Variants in CDH7 observed in about 807,000 individuals in gnomAD.
CDH7 encodes the protein cadherin-7.
In CDH7, 25 loss-of-function variants were observed where a neutral mutation model predicts 71.8. The ratio of observed to expected loss-of-function variants is 0.35; its 90% confidence interval spans 0.25 to 0.49. CDH7 has a LOEUF of 0.49. CDH7 is among the 20% of genes least tolerant of loss of function. The probability of loss-of-function intolerance (pLI) is 0.99; values close to 1 mark genes in which losing one functional copy is unlikely to be tolerated. For synonymous variants in CDH7, 381 were observed against 363.8 expected (o/e 1.05, Z -0.54); for missense variants, 862 against 974.6 (o/e 0.88, Z 1.54).
intron 2 of CDH7, among the ~76,000 whole-genome samples, chr18:65,787,098 C>A (rs1439190737): frequency 6.6e-6 from 1 of 152,112 alleles, no homozygotes. Flanking sequence ...TTATCATTAG[C>A]AGCATTTGTT....
intron 2 of CDH7, among the ~76,000 whole-genome samples, chr18:65,768,480 C>T (rs180980822): frequency 1.3e-5 from 2 of 152,258 alleles, no homozygotes; most frequent in Admixed American, 6.5e-5. Context: ...ACGTGATCTG[C>T]CCGCCTCGGC....
chr18:65,877,180 C>A (rs1310133408), intron 11 of CDH7, among the ~76,000 whole-genome samples: 1 of 151,954 alleles, frequency 6.6e-6, no homozygotes, highest in East Asian at 1.9e-4. Flanking sequence ...ATTATCTAAC[C>A]TTCCAAAATA....
intron 11 of CDH7, among the ~76,000 whole-genome samples, chr18:65,874,677 A>T (rs1376309171): frequency 1.3e-5 from 2 of 151,940 alleles, no homozygotes; most frequent in Non-Finnish European, 2.9e-5. Flanking sequence ...ATAAAAATTT[A>T]AAAAATTCAA....
intron 2 of CDH7, among the ~76,000 whole-genome samples, chr18:65,788,925 G>C (rs1349794683): frequency 6.6e-6 from 1 of 152,100 alleles, no homozygotes; most frequent in African/African-American, 2.4e-5. Flanking sequence ...TAAAAAACAA[G>C]AAGAAATACG....
chr18:65,786,673 T>C (rs1265929386), intron 2 of CDH7, among the ~76,000 whole-genome samples: 1 of 152,018 alleles, frequency 6.6e-6, no homozygotes, highest in Non-Finnish European at 1.5e-5. Flanking sequence ...TGCTTCTTTT[T>C]CTCTCTCTCT....
Position 65,885,372 on chromosome 18 carries a change from G to GTTTTTGTTTTTTT in CDH7, c.*4483_*4484insGTTTTTTTTTTTT, listed in dbSNP as rs1914342403. 1 of 69,436 alleles carries GTTTTTGTTTTTTT rather than the reference G, an allele frequency of 1.4e-5. No individual in the cohort carries two copies. Among genetic ancestry groups the GTTTTTGTTTTTTT allele is most frequent in the African/African-American group, 5.2e-5 (1 of 19,180 alleles). 4.3% of individuals were successfully genotyped at this position (69,436 alleles called of 1,614,324 possible). ...GTAACTGAAAAGGATGTGTGCCTGT[G>GTTTTTGTTTTTTT]TTTTTTTTTTTTTTTTTTTTTTTGA... On this transcript the variant is annotated 3_prime_UTR_variant, in exon 12 of 12. Transcript: ENST00000397968.
intron 2 of CDH7, among the ~76,000 whole-genome samples, chr18:65,787,367 G>T (rs923624166): frequency 6.6e-6 from 1 of 152,150 alleles, no homozygotes; most frequent in African/African-American, 2.4e-5. Flanking sequence ...GCTCCTGCTA[G>T]TGGAAATGAT....
chr18:65,806,736 T>G (rs763889692), intron 2 of CDH7, among the ~76,000 whole-genome samples: 13 of 152,126 alleles, frequency 8.5e-5, no homozygotes, highest in Non-Finnish European at 1.5e-4. Context: ...GATTTGCTAT[T>G]TCTACACTTG....
At chr18:65,816,496 T>G (rs964192880) in intron 4 of CDH7, among the ~76,000 whole-genome samples, 17 of 152,188 alleles carry the variant, frequency 1.1e-4, no homozygotes, top group Non-Finnish European at 1.6e-4. Flanking sequence ...AAGGGTTTTT[T>G]GGGAAGAAAG....
intron 2 of CDH7, among the ~76,000 whole-genome samples, chr18:65,770,348 A>T (rs1192001544): frequency 6.6e-6 from 1 of 152,190 alleles, no homozygotes; most frequent in Non-Finnish European, 1.5e-5. Flanking sequence ...TTGCATTGTG[A>T]GGTTGGGCCC....
chr18:65,878,575 G>A (rs936667731), intron 11 of CDH7, among the ~76,000 whole-genome samples: 1 of 152,116 alleles, frequency 6.6e-6, no homozygotes, highest in Non-Finnish European at 1.5e-5. Flanking sequence ...TAACAGGGAA[G>A]GAAGGTGAAT....
chr18:65,754,803 A>C (rs1297654074), intron 1 of CDH7, among the ~76,000 whole-genome samples: 2 of 152,168 alleles, frequency 1.3e-5, no homozygotes, highest in African/African-American at 2.4e-5. Context: ...TACAATGTTC[A>C]CTGGGCTGTT....
chr18:65,770,204 T>A (rs1411230435), intron 2 of CDH7, among the ~76,000 whole-genome samples: 1 of 152,176 alleles, frequency 6.6e-6, no homozygotes, highest in Non-Finnish European at 1.5e-5. Flanking sequence ...GGGCAATTGA[T>A]TTTGCTTATT....
intron 2 of CDH7, among the ~76,000 whole-genome samples, chr18:65,768,166 T>A (rs2143800598): frequency 6.6e-6 from 1 of 152,304 alleles, no homozygotes; most frequent in Non-Finnish European, 1.5e-5. Context: ...TCTACTTGCG[T>A]CCTATTTTGT....
chr18:65,851,333 T>C (rs1913143588), intron 7 of CDH7, among the ~76,000 whole-genome samples: 1 of 152,172 alleles, frequency 6.6e-6, no homozygotes, highest in African/African-American at 2.4e-5. Flanking sequence ...ATTCAAATTA[T>C]TCATCTATTT....
intron 2 of CDH7, among the ~76,000 whole-genome samples, chr18:65,782,406 C>T (rs968036781): frequency 1.3e-5 from 2 of 151,966 alleles, no homozygotes; most frequent in African/African-American, 2.4e-5. Context: ...GATCCACCTG[C>T]CTCGGCCTCC....
intron 6 of CDH7, among the ~76,000 whole-genome samples, chr18:65,825,047 C>T (rs1912078079): frequency 6.6e-6 from 1 of 151,832 alleles, no homozygotes. Context: ...TTAAGAAACT[C>T]GCAGCCATTA....
intron 6 of CDH7, among the ~76,000 whole-genome samples, chr18:65,842,084 C>T (rs910444114): frequency 1.3e-5 from 2 of 151,986 alleles, no homozygotes; most frequent in Admixed American, 6.6e-5. Flanking sequence ...TTATTTCTTC[C>T]CTTATCTCTC....
At chr18:65,761,424 G>A (rs1195674424) in intron 1 of CDH7, among the ~76,000 whole-genome samples, 1 of 151,218 alleles carries the variant, frequency 6.6e-6, no homozygotes, top group Non-Finnish European at 1.5e-5. Flanking sequence ...TCTTCTTACA[G>A]AAGGGACAGG....
Sources: allele counts gnomAD v4.1 joint callset (sites outside exome capture counted in the v4.1 genomes callset), GRCh38; gene constraint gnomAD v4.1.1; transcripts MANE v1.5; gene names NCBI Gene and HGNC (gene_info 2026-07-23, HGNC 2026-07-21).